The following CREB5 variants were observed in gnomAD, a reference collection of about 807,000 sequenced individuals.
CREB5 encodes cyclic AMP-responsive element-binding protein 5.
CREB5 carries 19 observed loss-of-function variants against 57.1 expected under a neutral mutation model. The observed-to-expected ratio is 0.33, with a 90% confidence interval of 0.23 to 0.49. The LOEUF is 0.49. CREB5 is among the 20% of genes least tolerant of loss of function. The probability of loss-of-function intolerance (pLI) is 0.99; values close to 1 mark genes in which losing one functional copy is unlikely to be tolerated. For synonymous variants in CREB5, 238 were observed against 238.3 expected (o/e 1.00, Z 0.01); for missense variants, 579 against 671.6 (o/e 0.86, Z 1.52).
chr7:28,801,683 T>C (rs1422293083), intron 7 of CREB5, among the ~76,000 whole-genome samples: 1 of 152,218 alleles, frequency 6.6e-6, no homozygotes, highest in East Asian at 1.9e-4. Context: ...TCATTGTTGC[T>C]GACTTCATTG....
chr7:28,376,271 C>CCT (rs751404580), intron 1 of CREB5, among the ~76,000 whole-genome samples: 1 of 130,584 alleles, frequency 7.7e-6, no homozygotes, highest in Non-Finnish European at 1.6e-5. Flanking sequence ...CAGAGAAGTA[C>CCT]TTTTTTTTTT....
Position 28,486,670 on chromosome 7 carries a change from T to TTAAATATATATATATA in CREB5, c.4-1503_4-1502insAATATATATATATATA, listed in dbSNP as rs1554331892. On this transcript the variant is annotated intron_variant, in intron 1 of 10. Transcript: ENST00000357727. Reference sequence around the variant, plus strand: ...AACTAAACGTGTATCTCCTATGATTTTATATATATATATATATATATATGT... The same window carrying TTAAATATATATATATA: ...AACTAAACGTGTATCTCCTATGATTTTAAATATATATATATATATATATATATATATATATATATGT... Among the ~76,000 whole-genome samples the TTAAATATATATATATA allele has an allele frequency of 3.4e-3, 306 of 89,122 alleles. 18 individuals are homozygous for TTAAATATATATATATA. Among genetic ancestry groups the TTAAATATATATATATA allele is most frequent in the African/African-American group, 0.012 (291 of 23,440 alleles). 58.5% of individuals were successfully genotyped at this position (89,122 alleles called of 152,430 possible).
At chr7:28,658,597 G>A (rs554640854) in intron 5 of CREB5, among the ~76,000 whole-genome samples, 6 of 152,282 alleles carry the variant, frequency 3.9e-5, no homozygotes, top group East Asian at 3.9e-4. Context: ...ACACAGAAAC[G>A]TGAGAGACAC....
chr7:28,413,320 A>G (rs866848115), intron 1 of CREB5, among the ~76,000 whole-genome samples: 2 of 152,128 alleles, frequency 1.3e-5, no homozygotes, highest in Non-Finnish European at 2.9e-5. Context: ...AAAAAAAACA[A>G]TAAAACAGTT....
At chr7:28,322,611 G>A (rs544421449) in intron 1 of CREB5, among the ~76,000 whole-genome samples, 5 of 104,444 alleles carry the variant, frequency 4.8e-5, no homozygotes, top group Admixed American at 1.2e-4. Flanking sequence ...CCCACTCCCC[G>A]ACAGGCTCTG....
upstream of CREB5, among the ~76,000 whole-genome samples, chr7:28,408,289 C>G (rs942229260): frequency 2.0e-5 from 3 of 152,152 alleles, no homozygotes; most frequent in Non-Finnish European, 2.9e-5. Flanking sequence ...TGGTCGCAAG[C>G]GCTTTGTAAG....
intron 5 of CREB5, among the ~76,000 whole-genome samples, chr7:28,611,671 C>CATAA (rs1797391708): frequency 8.8e-6 from 1 of 112,998 alleles, no homozygotes; most frequent in Non-Finnish European, 1.8e-5. Context: ...GACTCTGTCT[C>CATAA]CTAAATAAAT....
chr7:28,510,974 C>T (rs1432355439), intron 4 of CREB5, among the ~76,000 whole-genome samples: 1 of 151,998 alleles, frequency 6.6e-6, no homozygotes, highest in Admixed American at 6.6e-5. Flanking sequence ...ATTTTTCATT[C>T]AAGAAACATT....
At chr7:28,432,428 G>T (rs755432423) in intron 1 of CREB5, among the ~76,000 whole-genome samples, 2 of 152,192 alleles carry the variant, frequency 1.3e-5, no homozygotes, top group Non-Finnish European at 2.9e-5. Context: ...TTGCAAGCCG[G>T]CAGGCACACA....
At chr7:28,500,589 C>A (rs1792235270) in intron 3 of CREB5, among the ~76,000 whole-genome samples, 1 of 152,194 alleles carries the variant, frequency 6.6e-6, no homozygotes, top group Non-Finnish European at 1.5e-5. Context: ...AAACCTGATT[C>A]TCACCATGGA....
intron 1 of CREB5, among the ~76,000 whole-genome samples, chr7:28,348,030 T>C (rs1329621232): frequency 6.6e-6 from 1 of 152,050 alleles, no homozygotes; most frequent in Non-Finnish European, 1.5e-5. Context: ...GAGAGAGGGT[T>C]CCCAGGTGTG....
chr7:28,423,362 A>T (rs1292644546), intron 1 of CREB5, among the ~76,000 whole-genome samples: 1 of 152,176 alleles, frequency 6.6e-6, no homozygotes, highest in Admixed American at 6.5e-5. Context: ...TCCTCATAGA[A>T]CTTGTACCAG....
intron 1 of CREB5, among the ~76,000 whole-genome samples, chr7:28,328,709 C>T (rs959959311): frequency 1.1e-4 from 16 of 152,186 alleles, no homozygotes; most frequent in Non-Finnish European, 1.5e-5. Flanking sequence ...GGTTCTCAAA[C>T]TTATCAAAAG....
At chr7:28,816,112 G>GT (rs1310894922) in intron 9 of CREB5, among the ~76,000 whole-genome samples, 3 of 150,580 alleles carry the variant, frequency 2.0e-5, no homozygotes, top group African/African-American at 7.4e-5. Flanking sequence ...TCCTTTCTTG[G>GT]TTTTTGTTTG....
At chr7:28,786,311 A>G (rs1807322494) in intron 7 of CREB5, among the ~76,000 whole-genome samples, 1 of 152,110 alleles carries the variant, frequency 6.6e-6, no homozygotes, top group Non-Finnish European at 1.5e-5. Context: ...CAGTGACACA[A>G]TCTCGGGTTA....
chr7:28,609,980 T>TA (rs1224048069), intron 5 of CREB5, among the ~76,000 whole-genome samples: 4 of 152,226 alleles, frequency 2.6e-5, no homozygotes, highest in African/African-American at 9.6e-5. Flanking sequence ...TTCAAATGGC[T>TA]AAATGTCAGC....
At chr7:28,749,589 A>G (rs1804868289) in intron 7 of CREB5, 1 of 152,256 alleles carries the variant, frequency 6.6e-6, no homozygotes, top group Non-Finnish European at 1.5e-5. Context: ...TATTGGCCAA[A>G]TAGGATCAGT....
intron 4 of CREB5, among the ~76,000 whole-genome samples, chr7:28,510,010 G>C (rs142572174): frequency 3.8e-4 from 58 of 152,332 alleles, no homozygotes; most frequent in South Asian, 3.7e-3. Context: ...AGAGGGCATT[G>C]TCTTGAGGGC....
At chr7:28,419,239 A>G (rs7779184) in intron 1 of CREB5, among the ~76,000 whole-genome samples, 2 of 152,136 alleles carry the variant, frequency 1.3e-5, no homozygotes, top group Non-Finnish European at 2.9e-5. Context: ...TTGAAGGCAA[A>G]GGTCTGTACA....
Sources: allele counts gnomAD v4.1 joint callset (sites outside exome capture counted in the v4.1 genomes callset), GRCh38; gene constraint gnomAD v4.1.1; transcripts MANE v1.5; gene names NCBI Gene and HGNC (gene_info 2026-07-23, HGNC 2026-07-21).